The following SART1 variants were observed in gnomAD, a reference collection of about 807,000 sequenced individuals.
SART1 encodes the protein U4/U6.U5 tri-snRNP-associated protein 1.
A neutral mutation model predicts 105.0 loss-of-function variants in SART1; 28 were observed. That is an observed-to-expected ratio of 0.27 (90% CI 0.20 to 0.37). SART1 has a LOEUF of 0.37. Among genes scored for constraint, SART1 ranks in the 10% least tolerant of loss-of-function variants. SART1 has a pLI of 1.00. For synonymous variants in SART1, 472 were observed against 462.9 expected (o/e 1.02, Z -0.25); for missense variants, 894 against 1,106.5 (o/e 0.81, Z 2.72).
chr11:65,976,126 G>A lies in SART1; in HGVS notation c.1573-269G>A, dbSNP rs1438843868. Among the ~76,000 whole-genome samples, 1 of 152,128 alleles carries A rather than the reference G, an allele frequency of 6.6e-6. No homozygotes were observed. Among genetic ancestry groups the A allele is most frequent in the African/African-American group, 2.4e-5 (1 of 41,434 alleles). On this transcript the variant is annotated intron_variant, in intron 12 of 19. Coordinates refer to ENST00000312397, the MANE Select transcript of SART1 (RefSeq NM_005146.5). The surrounding 1 kb of genome is among the most constrained non-coding windows in gnomAD (Gnocchi z 5.1). The stretch of plus-strand genomic sequence containing the variant: ...GGTAGTGTGTGAGGGGCTTTGGAGG[G>A]GGATTGGCACAGGCCTGGTCAGGAA...
rs1200461451 is a variant in SART1, at chr11:65,966,228, G to A, written c.981+10G>A. 1.1e-5 allele frequency: 17 copies of A among 1,613,808 alleles called. No individual in the cohort carries two copies. The highest frequency in any genetic ancestry group is 2.7e-5 in the African/African-American group (2 of 74,908). On this transcript the variant is annotated intron_variant, in intron 8 of 19. Transcript: ENST00000312397. ...GGACGACCTGGCGCAGGCACGGCCTGGGCAGGCTGGGTGGCGGGGGCTGAG... is the reference window on the plus strand; with the variant it reads ...GGACGACCTGGCGCAGGCACGGCCTAGGCAGGCTGGGTGGCGGGGGCTGAG...
At chr11:65,963,989 C>T (rs550684589) in intron 1 of SART1, 85 bp from the exon 2 acceptor site, 2 of 1,222,072 alleles carry the variant, frequency 1.6e-6, no homozygotes, top group Non-Finnish European at 2.3e-6. Flanking sequence ...GAGGGGCCCT[C>T]ATTTTTGTTC....
In SART1 at chr11:65,965,780, G is replaced by T; in HGVS notation, c.738+1G>T. 1 of 1,614,014 alleles carries T rather than the reference G, an allele frequency of 6.2e-7. No homozygotes were observed. Among genetic ancestry groups the T allele is most frequent in the Non-Finnish European group, 8.5e-7 (1 of 1,179,986 alleles). On this transcript the variant is annotated splice_donor_variant, in intron 6 of 19. Transcript: ENST00000312397. LOFTEE classifies it high-confidence loss of function. ...GGAGGAGTTCGGGCAGAGGCGGCAGGTGAGGCTGCAGCAGGGGTGGTACAG... is the reference window on the plus strand; with the variant it reads ...GGAGGAGTTCGGGCAGAGGCGGCAGTTGAGGCTGCAGCAGGGGTGGTACAG...
At chr11:65,964,640 G>A in intron 3 of SART1, 70 bp downstream of exon 3, 1 of 1,494,860 alleles carries the variant, frequency 6.7e-7, no homozygotes, top group South Asian at 1.2e-5. Flanking sequence ...AGAAGGTGGG[G>A]TTAGAGGGCA....
intron 2 of SART1, 65 bp downstream of exon 2, chr11:65,964,196 G>T: frequency 2.9e-6 from 4 of 1,370,770 alleles, no homozygotes; most frequent in Non-Finnish European, 4.1e-6. Flanking sequence ...GGCCAGCACG[G>T]GGGAGGCTTT....
Position 65,966,496 on chromosome 11 carries a change from T to G in SART1, c.1128T>G (p.Ala376=). 3 of 1,603,274 alleles carry G rather than the reference T, an allele frequency of 1.9e-6. No homozygotes were observed. The highest frequency in any genetic ancestry group is 2.6e-6 in the Non-Finnish European group (3 of 1,174,530). Residue 376 remains alanine (A), a synonymous_variant, in exon 9 of 20, where the codon GCT becomes GCG. Coordinates refer to ENST00000312397, the MANE Select transcript of SART1 (RefSeq NM_005146.5). ...TCCGGGCCAAGCTGCGGCTGCAGGC[T>G]CAGTCCCTGAGCACAGTGGGGCCCC... ...EEIRAKLRLQ[A]QSLSTVGPRL...
chr11:65,967,764 G>A lies in SART1; in HGVS notation c.1515G>A (p.Lys505=). ...AELELQKQLE[K]GRRLRQLQQL... is the part of the protein sequence containing the mutation. Reference sequence around the variant, plus strand: ...TGGAGCTGCAGAAGCAGCTGGAGAAGGGACGCCGGCTGCGACAGTTACAGC... The same window carrying A: ...TGGAGCTGCAGAAGCAGCTGGAGAAAGGACGCCGGCTGCGACAGTTACAGC... Residue 505 remains lysine, a synonymous_variant, in exon 12 of 20, where the codon AAG becomes AAA. Coordinates refer to ENST00000312397, the MANE Select transcript of SART1 (RefSeq NM_005146.5). The A allele has an allele frequency of 6.4e-7, 1 of 1,551,182 alleles. No individual in the cohort carries two copies. The highest frequency in any genetic ancestry group is 8.7e-7 in the Non-Finnish European group (1 of 1,147,738).
At position 65,965,774 on chromosome 11, in the gene SART1, C is replaced by T. The variant is rs764597455; in HGVS notation, c.733C>T (p.Arg245Trp). The T allele has an allele frequency of 5.0e-6, 8 of 1,613,718 alleles. No homozygotes were observed. The highest frequency in any genetic ancestry group is 2.7e-5 in the African/African-American group (2 of 74,850). ...GGTGGAGGAGGAGTTCGGGCAGAGG[C>T]GGCAGGTGAGGCTGCAGCAGGGGTG... ...TLVEEEFGQR[R>W]QDLYSARDLQ... The change falls in exon 6 of 20, where the codon CGG (arginine) becomes TGG (tryptophan). Residue 245 changes from arginine to tryptophan, a missense_variant. Arg to Trp is a moderately radical substitution (Grantham distance 101, BLOSUM62 -3). This residue lies in a region of SART1 where 712 missense variants were observed against 778.2 expected (regional missense o/e 0.91). Coordinates refer to ENST00000312397, the MANE Select transcript of SART1 (RefSeq NM_005146.5).
chr11:65,966,328 A>G (rs770994883), intron 8 of SART1, 22 bp from the exon 9 acceptor site: 6 of 1,613,962 alleles, frequency 3.7e-6, no homozygotes, highest in Non-Finnish European at 3.4e-6. Context: ...CTGGGTCCCA[A>G]CCTGTACCTC....
At chr11:65,964,449 G>C (rs1048459624) in intron 2 of SART1, 66 bp from the exon 3 acceptor site, 5 of 1,576,604 alleles carry the variant, frequency 3.2e-6, no homozygotes, top group African/African-American at 1.4e-5. Flanking sequence ...CCTCTTGTCT[G>C]TCTGGAAATG....
In SART1 at chr11:65,964,495, C is replaced by T. The variant is rs1374364115; in HGVS notation, c.372-20C>T. On this transcript the variant is annotated intron_variant, in intron 2 of 19. Transcript: ENST00000312397. ...CCTGTGTCTTTAATAGCCCCTAACA[C>T]TTGTATCTCTTGTTGTCAGCAAACT... The T allele has an allele frequency of 1.2e-6, 2 of 1,612,888 alleles. No individual in the cohort carries two copies. Among genetic ancestry groups the T allele is most frequent in the Non-Finnish European group, 1.7e-6 (2 of 1,179,688 alleles).
intron 9 of SART1, among the ~76,000 whole-genome samples, chr11:65,966,883 A>G (rs1194787497): frequency 6.6e-6 from 1 of 152,142 alleles, no homozygotes; most frequent in Non-Finnish European, 1.5e-5. Context: ...GATGAGTGAC[A>G]GCGTGGGTGA....
chr11:65,966,477 C>A lies in SART1; in HGVS notation c.1109C>A (p.Ala370Asp). 1 of 1,609,708 alleles carries A rather than the reference C, an allele frequency of 6.2e-7. No homozygotes were observed. The change falls in exon 9 of 20, where the codon GCC (alanine) becomes GAC (aspartate). Residue 370 changes from alanine to aspartate, a missense_variant. By Grantham distance (126) the Ala-to-Asp change is moderately radical (BLOSUM62 -2). Around this residue, in one of 2 missense-constraint regions of SART1, gnomAD observed 712 missense variants for 778.2 expected, o/e 0.91. Coordinates refer to ENST00000312397, the MANE Select transcript of SART1 (RefSeq NM_005146.5). ...LRERELEEIRAKLRLQAQSLS... is the reference protein window; with the variant it reads ...LRERELEEIRDKLRLQAQSLS... The stretch of plus-strand genomic sequence containing the variant: ...GAGCGGGAGCTGGAGGAGATCCGGG[C>A]CAAGCTGCGGCTGCAGGCTCAGTCC...
Position 65,976,934 on chromosome 11 carries a change from G to A in SART1, c.1858-80G>A. The stretch of plus-strand genomic sequence containing the variant: ...AAATTAAATGTTGTGGAGGGCTGGT[G>A]CCTGGCAGGTGGTGACCAGTGGGTG... On this transcript the variant is annotated intron_variant, in intron 14 of 19. Transcript: ENST00000312397. This position sits in a 1 kb window ranked among gnomAD's most constrained non-coding sequence, Gnocchi z 5.1. 1 of 1,274,452 alleles carries A rather than the reference G, an allele frequency of 7.8e-7. No individual in the cohort carries two copies. Among genetic ancestry groups the A allele is most frequent in the Non-Finnish European group, 1.1e-6 (1 of 876,200 alleles). The allele number at this position is 1,274,452 out of a possible 1,614,324, so 78.9% of individuals were successfully genotyped here. A position where few individuals can be genotyped will look rare whatever the true frequency, so the allele number is the denominator to read the frequency against.
At position 65,976,753 on chromosome 11, in the gene SART1, A is replaced by G. The variant is rs1042605682; in HGVS notation, c.1844A>G (p.Lys615Arg). The change falls in exon 14 of 20, where the codon AAG becomes AGG. Residue 615 changes from lysine (K) to arginine (R), a missense_variant. Lys to Arg is a conservative substitution (Grantham distance 26). Around this residue, in one of 2 missense-constraint regions of SART1, gnomAD observed 182 missense variants for 328.3 expected, o/e 0.55. Transcript: ENST00000312397. This position sits in a 1 kb window ranked among gnomAD's most constrained non-coding sequence, Gnocchi z 5.1. Reference sequence around the variant, plus strand: ...AGCACGGTGAACCTGGACGAGGAGAAGCAGCAGCAGGATGTGAGGGCCGCG... The same window carrying G: ...AGCACGGTGAACCTGGACGAGGAGAGGCAGCAGCAGGATGTGAGGGCCGCG... ...GWSTVNLDEEKQQQDFSASST... is the reference protein window; with the variant it reads ...GWSTVNLDEERQQQDFSASST... 13 of 1,610,330 alleles carry G rather than the reference A, an allele frequency of 8.1e-6. No homozygotes were observed. Among genetic ancestry groups the G allele is most frequent in the South Asian group, 2.2e-5 (2 of 90,718 alleles).
rs550431883 is a variant in SART1, at chr11:65,975,061, GACAA to G, written c.1573-1320_1573-1317del. Among the ~76,000 whole-genome samples, 61 of 146,596 alleles carry G rather than the reference GACAA, an allele frequency of 4.2e-4. No individual in the cohort carries two copies. The East Asian group carries it at 4.6e-3, about 11-fold the overall frequency. On this transcript the variant is annotated intron_variant, in intron 12 of 19. Transcript: ENST00000312397. ...TCTCAAAAAGAAATAAAAATTAAAA[GACAA>G]ACAAACAAACAAATGTTCCTGGATG...
chr11:65,967,323 T>G lies in SART1; in HGVS notation c.1253T>G (p.Val418Gly). Residue 418 changes from valine to glycine, a missense_variant, in exon 10 of 20, where the codon GTG (valine) becomes GGG (glycine). Val to Gly is a moderately radical substitution (Grantham distance 109). Transcript: ENST00000312397. ...CGCAAGAAGGAGAAGGAGGTAGTAG[T>G]GCGGGCAGATGACTTGCTGCCTCTC... is the stretch of plus-strand genomic sequence containing the variant. ...KIRKKEKEVV[V>G]RADDLLPLGD... 1 of 1,613,740 alleles carries G rather than the reference T, an allele frequency of 6.2e-7. No individual in the cohort carries two copies.
intron 12 of SART1, among the ~76,000 whole-genome samples, chr11:65,972,101 A>G (rs565958852): frequency 6.6e-6 from 1 of 152,222 alleles, no homozygotes; most frequent in South Asian, 2.1e-4. Flanking sequence ...AGATAGGACA[A>G]TATATTGTCA....
chr11:65,967,219 C>T (rs1348301778), intron 9 of SART1, 40 bp from the exon 10 acceptor site: 2 of 1,604,258 alleles, frequency 1.2e-6, no homozygotes, highest in Non-Finnish European at 1.7e-6. Context: ...ACCTGCCTTT[C>T]TGTGGCCCCC....
Sources: allele counts gnomAD v4.1 joint callset (sites outside exome capture counted in the v4.1 genomes callset), GRCh38; gene constraint gnomAD v4.1.1; regional missense constraint gnomAD v4.1.1; non-coding constraint Gnocchi (gnomAD v3.1); transcripts MANE v1.5; gene names NCBI Gene and HGNC (gene_info 2026-07-23, HGNC 2026-07-21).